The following GLE1 variants were observed in gnomAD, a reference collection of about 807,000 sequenced individuals.
GLE1 encodes the protein mRNA export factor GLE1.
In GLE1, 78 loss-of-function variants were observed where a neutral mutation model predicts 97.3. The observed-to-expected ratio is 0.80, with a 90% confidence interval of 0.67 to 0.97. The LOEUF is 0.97. GLE1 is among the 50% of genes least tolerant of loss of function. The pLI is 0.00. For synonymous variants in GLE1, 302 were observed against 313.4 expected (o/e 0.96, Z 0.39); for missense variants, 753 against 857.5 (o/e 0.88, Z 1.52).
rs200654578 is a variant in GLE1, at chr9:128,533,995, A to G, written c.1646+44A>G. Reference sequence around the variant, plus strand: ...CTACTCACTATCCCTAGAGTGATTAATGAAATATAAATAGAATTGGAATTT... The same window carrying G: ...CTACTCACTATCCCTAGAGTGATTAGTGAAATATAAATAGAATTGGAATTT... On this transcript the variant is annotated intron_variant, in intron 11 of 15. Coordinates refer to ENST00000309971, the MANE Select transcript of GLE1 (RefSeq NM_001003722.2). 6.3e-5 allele frequency: 75 copies of G among 1,194,264 alleles called. No homozygotes were observed. The South Asian group carries it at 8.7e-4, about 14-fold the overall frequency. The allele number at this position is 1,194,264 out of a possible 1,614,324, so 74.0% of individuals were successfully genotyped here. A position where few individuals can be genotyped will look rare whatever the true frequency, so the allele number is the denominator to read the frequency against.
intron 3 of GLE1, 92 bp downstream of exon 3, chr9:128,515,731 C>T: frequency 1.4e-6 from 1 of 733,266 alleles, no homozygotes; most frequent in Non-Finnish European, 2.5e-6. Flanking sequence ...CTGTATGCTA[C>T]TCATCCTTCC....
chr9:128,528,497 G>C (rs1275052020), intron 9 of GLE1, among the ~76,000 whole-genome samples: 1 of 151,752 alleles, frequency 6.6e-6, no homozygotes, highest in Admixed American at 6.6e-5. Flanking sequence ...TAGACACGGG[G>C]TTTCACCGTG....
intron 14 of GLE1, 151 bp downstream of exon 14, chr9:128,539,849 AT>A: frequency 6.5e-7 from 1 of 1,529,708 alleles, no homozygotes; most frequent in South Asian, 1.2e-5. Flanking sequence ...CCTCTCGTTG[AT>A]ATTTGAATAA....
At position 128,523,548 on chromosome 9, in the gene GLE1, C is replaced by T; in HGVS notation, c.643-44C>T. On this transcript the variant is annotated intron_variant, in intron 5 of 15. Coordinates refer to ENST00000309971, the MANE Select transcript of GLE1 (RefSeq NM_001003722.2). ...ATTTGAGGACTGTAGAAAGAAGAAG[C>T]CCAGGAACCCCTCAGAGAGAAGTCA... is the stretch of plus-strand genomic sequence containing the variant. 3 of 1,611,302 alleles carry T rather than the reference C, an allele frequency of 1.9e-6. No individual in the cohort carries two copies. In the South Asian group the frequency reaches 3.3e-5, roughly 18 times the overall value.
chr9:128,509,478 A>T (rs1191780768), intron 2 of GLE1, among the ~76,000 whole-genome samples: 2 of 151,144 alleles, frequency 1.3e-5, no homozygotes, highest in African/African-American at 4.9e-5. Flanking sequence ...TCTGTAGGAG[A>T]TTTTACCCTA....
chr9:128,521,477 T>C (rs1018538474), intron 3 of GLE1, among the ~76,000 whole-genome samples: 1 of 152,116 alleles, frequency 6.6e-6, no homozygotes, highest in African/African-American at 2.4e-5. Flanking sequence ...AAGGCTGCCG[T>C]GAGCTATAAG....
At chr9:128,521,668 C>T in intron 3 of GLE1, among the ~76,000 whole-genome samples, 1 of 152,200 alleles carries the variant, frequency 6.6e-6, no homozygotes, top group Non-Finnish European at 1.5e-5. Context: ...TAGTATTCTG[C>T]AGTATGACTG....
chr9:128,541,515 G>A lies in GLE1; in HGVS notation c.*345G>A, dbSNP rs924354083. 3.1e-6 allele frequency: 1 copy of A among 317,536 alleles called. No homozygotes were observed. The highest frequency in any genetic ancestry group is 6.0e-6 in the Non-Finnish European group (1 of 166,752). The allele number at this position is 317,536 out of a possible 1,614,324, so 19.7% of individuals were successfully genotyped here. On this transcript the variant is annotated 3_prime_UTR_variant, in exon 16 of 16. Coordinates refer to ENST00000309971, the MANE Select transcript of GLE1 (RefSeq NM_001003722.2). ...CAATACCTTAACAAATGCACTCTGA[G>A]CTGGAGGGAGCCCACCATTTGCACC...
chr9:128,529,170 A>G (rs759897618), intron 9 of GLE1, among the ~76,000 whole-genome samples: 8 of 152,238 alleles, frequency 5.3e-5, no homozygotes, highest in African/African-American at 4.8e-5. Context: ...AGCAACAGCA[A>G]AGCAAGAGAG....
chr9:128,524,136 G>A lies in GLE1; in HGVS notation c.897+290G>A, dbSNP rs548507650. Reference sequence around the variant, plus strand: ...CCTTTGTCACCCAGGCTGGAGTGCAGTAACACAGTCTCAGCTCATGCAACC... The same window carrying A: ...CCTTTGTCACCCAGGCTGGAGTGCAATAACACAGTCTCAGCTCATGCAACC... On this transcript the variant is annotated intron_variant, in intron 6 of 15. Transcript: ENST00000309971. Among the ~76,000 whole-genome samples, 8 of 118,762 alleles carry A rather than the reference G, an allele frequency of 6.7e-5. No individual in the cohort carries two copies. The East Asian group carries it at 2.1e-3, about 31-fold the overall frequency. The allele number at this position is 118,762 out of a possible 152,430, so 77.9% of individuals were successfully genotyped here.
intron 14 of GLE1, 89 bp from the exon 15 acceptor site, chr9:128,540,186 A>G: frequency 3.3e-6 from 3 of 904,514 alleles, no homozygotes; most frequent in Non-Finnish European, 5.6e-6. Flanking sequence ...ACCGCGCTGC[A>G]CTCCAGCCTA....
rs376741922 is a variant in GLE1, at chr9:128,533,793, T to G, written c.1488T>G (p.His496Gln). The G allele has an allele frequency of 6.2e-7, 1 of 1,614,204 alleles. No homozygotes were observed. Among genetic ancestry groups the G allele is most frequent in the Non-Finnish European group, 8.5e-7 (1 of 1,180,020 alleles). Residue 496 changes from histidine to glutamine, a missense_variant, in exon 11 of 16, where the codon CAT becomes CAG. His to Gln is a conservative substitution (Grantham distance 24). Transcript: ENST00000309971. ...GCGAGGAGGAAGTGGCCTCTCACCATGAAGCAGCATTCCCCATTGCAGTTG... is the reference window on the plus strand; with the variant it reads ...GCGAGGAGGAAGTGGCCTCTCACCAGGAAGCAGCATTCCCCATTGCAGTTG... ...KQGEEEVASH[H>Q]EAAFPIAVVA...
chr9:128,532,414 C>T (rs1311108438), intron 9 of GLE1, among the ~76,000 whole-genome samples: 2 of 151,068 alleles, frequency 1.3e-5, no homozygotes, highest in South Asian at 2.1e-4. Flanking sequence ...TTAGTAGAGA[C>T]GAGGTATCAC....
intron 2 of GLE1, among the ~76,000 whole-genome samples, chr9:128,509,797 A>G (rs1451577492): frequency 2.0e-5 from 3 of 151,868 alleles, no homozygotes. Context: ...TGTCTCTCCA[A>G]AATACTTAAA....
chr9:128,509,756 CA>C (rs1846750077), intron 2 of GLE1, among the ~76,000 whole-genome samples: 1 of 151,226 alleles, frequency 6.6e-6, no homozygotes, highest in Non-Finnish European at 1.5e-5. Context: ...CCCAGGAGTT[CA>C]AGACCAGCCT....
rs140127204 is a variant in GLE1, at chr9:128,510,630, G to A, written c.321+1533G>A. ...TGCAACCTTTGCCTCCTGGGTTCACGCGGTTCTTCTGCCTCAGCCTCCCAA... is the reference window on the plus strand; with the variant it reads ...TGCAACCTTTGCCTCCTGGGTTCACACGGTTCTTCTGCCTCAGCCTCCCAA... On this transcript the variant is annotated intron_variant, in intron 2 of 15. Coordinates refer to ENST00000309971, the MANE Select transcript of GLE1 (RefSeq NM_001003722.2). Among the ~76,000 whole-genome samples the A allele has an allele frequency of 6.4e-3, 956 of 149,498 alleles. 28 individuals are homozygous for A. The East Asian group carries it at 0.081, about 13-fold the overall frequency.
Position 128,504,886 on chromosome 9 carries a change from C to A in GLE1, c.81C>A (p.Asp27Glu). 1.2e-6 allele frequency: 2 copies of A among 1,610,672 alleles called. No homozygotes were observed. Among genetic ancestry groups the A allele is most frequent in the Non-Finnish European group, 1.7e-6 (2 of 1,176,944 alleles). Residue 27 changes from aspartate to glutamate, a missense_variant, in exon 1 of 16, where the codon GAC (aspartate) becomes GAA (glutamate). Asp to Glu is a conservative substitution (Grantham distance 45). Transcript: ENST00000309971. ...SDKGRLCYYR[D>E]WLLRREDVLE... The stretch of plus-strand genomic sequence containing the variant: ...AAGGTCGCCTTTGCTACTACCGCGA[C>A]TGGCTGCTGCGGCGCGAGGTGAGCG...
chr9:128,525,133 T>C (rs191212186), intron 6 of GLE1, 59 bp from the exon 7 acceptor site: 16 of 1,213,250 alleles, frequency 1.3e-5, no homozygotes, highest in Non-Finnish European at 1.8e-5. Context: ...TATTGACTTG[T>C]ATGAGGTATG....
Position 128,538,008 on chromosome 9 carries a change from A to G in GLE1, c.1799A>G (p.His600Arg), listed in dbSNP as rs762033671. ...CAGATTCACCCTCATGGCTTAAATC[A>G]TGGATGGCGCTGGTTGGCACAGATC... The part of the protein sequence containing the change: ...RQEIHPHGLN[H>R]GWRWLAQILN... Residue 600 changes from histidine to arginine, a missense_variant, in exon 13 of 16, where the codon CAT (histidine) becomes CGT (arginine). His to Arg is a conservative substitution (Grantham distance 29). Transcript: ENST00000309971. 6.2e-7 allele frequency: 1 copy of G among 1,610,494 alleles called. No individual in the cohort carries two copies. Among genetic ancestry groups the G allele is most frequent in the Admixed American group, 1.7e-5 (1 of 60,006 alleles).
Sources: gnomAD v4.1 joint callset for allele counts (sites outside exome capture counted in the v4.1 genomes callset) on GRCh38, gnomAD v4.1.1 for gene constraint, MANE v1.5 for transcripts, NCBI Gene and HGNC (gene_info 2026-07-23, HGNC 2026-07-21) for gene names.